The following INPP4B variants were observed in gnomAD, a reference collection of about 807,000 sequenced individuals.
INPP4B encodes inositol polyphosphate-4-phosphatase type II B.
A neutral mutation model predicts 122.5 loss-of-function variants in INPP4B; 55 were observed. That is an observed-to-expected ratio of 0.45 (90% CI 0.36 to 0.56). INPP4B has a LOEUF of 0.56. Ranked by LOEUF, INPP4B falls within the 20% of genes least tolerant of loss-of-function variation. The probability of loss-of-function intolerance (pLI) is 0.00; values close to 1 mark genes in which losing one functional copy is unlikely to be tolerated. For missense variants in INPP4B, 1,000 were observed against 1,097.7 expected, an observed-to-expected ratio of 0.91 and a Z score of 1.26; for synonymous variants, 403 against 388.7, an observed-to-expected ratio of 1.04 and a Z score of -0.43.
At chr4:142,442,838 T>G (rs2149452588) in intron 3 of INPP4B, among the ~76,000 whole-genome samples, 1 of 152,306 alleles carries the variant, frequency 6.6e-6, no homozygotes, top group South Asian at 2.1e-4. Context: ...AAAAGAGGTT[T>G]AATGGACTCA....
chr4:142,314,866 C>A, intron 7 of INPP4B, 104 bp from the exon 8 acceptor site: 1 of 878,800 alleles, frequency 1.1e-6, no homozygotes, highest in Non-Finnish European at 1.8e-6. Flanking sequence ...TCAATTCAGA[C>A]TCTGTGGTTA....
chr4:142,564,265 A>T (rs1731100876), intron 2 of INPP4B, among the ~76,000 whole-genome samples: 1 of 152,164 alleles, frequency 6.6e-6, no homozygotes, highest in Non-Finnish European at 1.5e-5. Context: ...GGCTTGGAGC[A>T]GAGAACACCT....
At chr4:142,804,562 T>G (rs1482874231) in intron 1 of INPP4B, among the ~76,000 whole-genome samples, 1 of 152,220 alleles carries the variant, frequency 6.6e-6, no homozygotes, top group Non-Finnish European at 1.5e-5. Flanking sequence ...TTGACACTTT[T>G]GATTCCCTTT....
intron 25 of INPP4B, among the ~76,000 whole-genome samples, chr4:142,072,305 G>A (rs1767921236): frequency 6.6e-6 from 1 of 151,504 alleles, no homozygotes; most frequent in Non-Finnish European, 1.5e-5. Flanking sequence ...TTGGACACAG[G>A]GTGGGGAACA....
chr4:142,069,815 C>T (rs896365520), intron 25 of INPP4B, among the ~76,000 whole-genome samples: 1 of 152,164 alleles, frequency 6.6e-6, no homozygotes, highest in South Asian at 2.1e-4. Context: ...AGACCAATAA[C>T]AGGCTCTGAA....
At chr4:142,808,877 A>G (rs1479921958) in intron 1 of INPP4B, among the ~76,000 whole-genome samples, 1 of 152,154 alleles carries the variant, frequency 6.6e-6, no homozygotes, top group African/African-American at 2.4e-5. Context: ...CAGTGCCTAA[A>G]CAGCTAATAT....
chr4:142,547,733 T>C (rs1439468106), intron 2 of INPP4B, among the ~76,000 whole-genome samples: 1 of 152,174 alleles, frequency 6.6e-6, no homozygotes, highest in Non-Finnish European at 1.5e-5. Context: ...AAATGTCATC[T>C]CTAATAATTT....
intron 16 of INPP4B, among the ~76,000 whole-genome samples, chr4:142,161,814 T>C (rs549508416): frequency 6.6e-6 from 1 of 152,090 alleles, no homozygotes; most frequent in Non-Finnish European, 1.5e-5. Context: ...ATCTTAAAGT[T>C]GACCTCTTCA....
chr4:142,254,961 C>G (rs1334087066), intron 11 of INPP4B, among the ~76,000 whole-genome samples: 1 of 151,994 alleles, frequency 6.6e-6, no homozygotes, highest in African/African-American at 2.4e-5. Context: ...AGAGAAAGGT[C>G]GGGTTACCCT....
chr4:142,737,624 A>G (rs1310686612), intron 1 of INPP4B, among the ~76,000 whole-genome samples: 1 of 152,184 alleles, frequency 6.6e-6, no homozygotes, highest in East Asian at 1.9e-4. Context: ...GATCTAATTA[A>G]ACTAAAGAGC....
At chr4:142,758,139 G>A (rs145826976) in intron 1 of INPP4B, among the ~76,000 whole-genome samples, 2 of 152,102 alleles carry the variant, frequency 1.3e-5, no homozygotes, top group Non-Finnish European at 2.9e-5. Flanking sequence ...AAATTGAAGT[G>A]CAGCCGAAGG....
chr4:142,048,604 T>C (rs115228498), intron 25 of INPP4B, among the ~76,000 whole-genome samples: 2,891 of 151,984 alleles, frequency 0.019, 72 homozygotes, highest in South Asian at 0.094. Flanking sequence ...GGGGCAGGTA[T>C]TTATGTGAAC....
intron 15 of INPP4B, among the ~76,000 whole-genome samples, chr4:142,181,007 G>A (rs912496154): frequency 2.0e-5 from 3 of 152,180 alleles, no homozygotes; most frequent in Admixed American, 6.5e-5. Flanking sequence ...GGGTACTCAA[G>A]GTAATCAGTG....
At chr4:142,317,276 C>T (rs1329462129) in intron 7 of INPP4B, 8 of 363,660 alleles carry the variant, frequency 2.2e-5, no homozygotes, top group Admixed American at 6.5e-5. Context: ...CTACCAAAAC[C>T]GCAGAGGAGC....
chr4:142,389,409 C>A (rs1796989961), intron 7 of INPP4B, among the ~76,000 whole-genome samples: 1 of 151,974 alleles, frequency 6.6e-6, no homozygotes, highest in Admixed American at 6.6e-5. Flanking sequence ...GCACTTAGAT[C>A]AAATATTTTG....
intron 2 of INPP4B, among the ~76,000 whole-genome samples, chr4:142,640,346 C>T (rs2150476043): frequency 6.6e-6 from 1 of 151,702 alleles, no homozygotes; most frequent in African/African-American, 2.4e-5. Flanking sequence ...TGGTACAAGG[C>T]ACAAATGAAT....
rs112636973 is a variant in INPP4B at position 142,397,251 on chromosome 4, G to T, written c.372+5687C>A. On this transcript the variant is annotated intron_variant, in intron 7 of 25. Transcript: ENST00000262992. ...AATGAAGACAGAAGCATTTCAAAAG[G>T]CAGAGGCTGAATGAATGAGCAGGTT... Among the ~76,000 whole-genome samples, 380 of 152,224 alleles carry T rather than the reference G, an allele frequency of 2.5e-3. 1 individual carries two copies. The highest frequency in any genetic ancestry group is 4.6e-3 in the Non-Finnish European group (313 of 68,010).
chr4:142,140,512 C>T (rs1250595528), intron 18 of INPP4B, among the ~76,000 whole-genome samples: 1 of 152,138 alleles, frequency 6.6e-6, no homozygotes, highest in East Asian at 1.9e-4. Flanking sequence ...GCTCTGTTTT[C>T]TAATCATTTT....
At chr4:142,209,988 T>C (rs1844232619) in intron 12 of INPP4B, among the ~76,000 whole-genome samples, 2 of 152,134 alleles carry the variant, frequency 1.3e-5, no homozygotes, top group Non-Finnish European at 2.9e-5. Context: ...TCTAAATCTC[T>C]ACCCTTTAGC....
Sources: allele counts gnomAD v4.1 joint callset (sites outside exome capture counted in the v4.1 genomes callset), GRCh38; gene constraint gnomAD v4.1.1; transcripts MANE v1.5; gene names NCBI Gene and HGNC (gene_info 2026-07-23, HGNC 2026-07-21).